The following FMN2 variants were observed in gnomAD, a reference collection of about 807,000 sequenced individuals.
FMN2 encodes formin-2.
Under a neutral mutation model 142.3 loss-of-function variants are expected in FMN2, and 51 were observed. That is an observed-to-expected ratio of 0.36 (90% CI 0.29 to 0.45). The LOEUF (loss-of-function observed/expected upper bound fraction) is 0.45, where lower values mean the gene tolerates loss of function less well. FMN2 is among the 20% of genes least tolerant of loss of function. The pLI is 1.00. For synonymous variants in FMN2, 882 were observed against 869.8 expected (o/e 1.01, Z -0.25); for missense variants, 1,936 against 2,122.8 (o/e 0.91, Z 1.73).
Position 240,207,090 on chromosome 1 carries a change from G to C in FMN2, c.2278G>C (p.Val760Leu), listed in dbSNP as rs1304119504. 1 of 1,614,104 alleles carries C rather than the reference G, an allele frequency of 6.2e-7. No individual in the cohort carries two copies. Among genetic ancestry groups the C allele is most frequent in the Admixed American group, 1.7e-5 (1 of 60,010 alleles). Residue 760 changes from valine (V) to leucine (L), a missense_variant, in exon 5 of 18, where the codon GTG becomes CTG. By Grantham distance (32) the Val-to-Leu change is conservative. This residue lies in a region of FMN2 where 478 missense variants were observed against 462.8 expected (regional missense o/e 1.03). Coordinates refer to ENST00000319653, the MANE Select transcript of FMN2 (RefSeq NM_020066.5). ...GGGCGGGGTGCTGACACTGCCTCCT[G>C]TGGATGGGCTGCCAGGGCGTCCTCC... is the stretch of plus-strand genomic sequence containing the variant. ...EEGGVLTLPP[V>L]DGLPGRPPCP...
Position 240,178,169 on chromosome 1 carries a change from G to T in FMN2, c.1930+101G>T, listed in dbSNP as rs895694625. ...TTTAAGTAATCTTTTATTTTTAATT[G>T]CATGGCATTCAGATATAATCTTCAA... On this transcript the variant is annotated intron_variant, in intron 3 of 17. Coordinates refer to ENST00000319653, the MANE Select transcript of FMN2 (RefSeq NM_020066.5). The T allele has an allele frequency of 1.2e-5, 15 of 1,283,074 alleles. No homozygotes were observed. In the South Asian group the frequency reaches 3.4e-4, roughly 29 times the overall value. 79.5% of individuals were successfully genotyped at this position (1,283,074 alleles called of 1,614,324 possible). A position where few individuals can be genotyped will look rare whatever the true frequency, so the allele number is the denominator to read the frequency against.
At chr1:240,100,497 C>A (rs766784741) in intron 1 of FMN2, among the ~76,000 whole-genome samples, 1 of 152,090 alleles carries the variant, frequency 6.6e-6, no homozygotes, top group Non-Finnish European at 1.5e-5. Flanking sequence ...GAAAATATGA[C>A]CTCAGTCAGT....
At chr1:240,333,814 A>G in intron 11 of FMN2, 73 bp from the exon 12 acceptor site, 1 of 1,184,846 alleles carries the variant, frequency 8.4e-7, no homozygotes, top group Non-Finnish European at 1.2e-6. Flanking sequence ...ATTCACTAGA[A>G]TCTTTTTTGG....
At chr1:240,277,339 T>A (rs543847226) in intron 7 of FMN2, among the ~76,000 whole-genome samples, 2 of 152,128 alleles carry the variant, frequency 1.3e-5, no homozygotes, top group South Asian at 4.1e-4. Flanking sequence ...TTTTAAAATC[T>A]GGTATGATCA....
chr1:240,332,785 A>G (rs944141589), intron 11 of FMN2, among the ~76,000 whole-genome samples: 1 of 152,188 alleles, frequency 6.6e-6, no homozygotes, highest in Non-Finnish European at 1.5e-5. Context: ...AGTACTATTT[A>G]TAGACCTCCA....
chr1:240,175,004 G>C (rs12098130), intron 2 of FMN2, among the ~76,000 whole-genome samples: 45,025 of 151,794 alleles, frequency 0.3, 6,950 homozygotes, highest in African/African-American at 0.38. Flanking sequence ...TCTCCAATCC[G>C]GGCAACCACC....
intron 1 of FMN2, among the ~76,000 whole-genome samples, chr1:240,106,986 T>C (rs930091105): frequency 2.0e-5 from 3 of 151,782 alleles, no homozygotes; most frequent in Non-Finnish European, 4.4e-5. Flanking sequence ...GCCCGGCCTT[T>C]TCCAGGAGGA....
chr1:240,127,522 G>A (rs931309408), intron 2 of FMN2, among the ~76,000 whole-genome samples: 10 of 152,056 alleles, frequency 6.6e-5, no homozygotes, highest in Non-Finnish European at 2.9e-5. Flanking sequence ...CTGTTGCCCA[G>A]GTTGGAGAGC....
intron 6 of FMN2, among the ~76,000 whole-genome samples, chr1:240,242,037 G>A (rs1321636802): frequency 4.6e-5 from 7 of 151,672 alleles, no homozygotes; most frequent in Non-Finnish European, 8.8e-5. Context: ...AGTAGAGACG[G>A]GGTTTCACCG....
At chr1:240,175,292 G>A (rs1406477854) in intron 2 of FMN2, among the ~76,000 whole-genome samples, 1 of 152,120 alleles carries the variant, frequency 6.6e-6, no homozygotes, top group Middle Eastern at 3.2e-3. Flanking sequence ...ATGAACATAG[G>A]TGTACAGATG....
chr1:240,190,327 C>G (rs1377284142), intron 4 of FMN2, among the ~76,000 whole-genome samples: 1 of 152,076 alleles, frequency 6.6e-6, no homozygotes, highest in Non-Finnish European at 1.5e-5. Flanking sequence ...TTTTAAGCAC[C>G]CGACAATGAC....
In FMN2 at chr1:240,417,432, G is replaced by A. The variant is rs551561276; in HGVS notation, c.4911-20629G>A. On this transcript the variant is annotated intron_variant, in intron 15 of 17. Coordinates refer to ENST00000319653, the MANE Select transcript of FMN2 (RefSeq NM_020066.5). ...AAATTCCCTGCTTTAGCTTGAGAGG[G>A]TTTTGTTTTGTTTTGTTTTTATAGG... Among the ~76,000 whole-genome samples, 3 of 151,696 alleles carry A rather than the reference G, an allele frequency of 2.0e-5. No individual in the cohort carries two copies. The East Asian group carries it at 5.8e-4, about 29-fold the overall frequency.
chr1:240,382,842 C>T (rs1483329803), intron 14 of FMN2, among the ~76,000 whole-genome samples: 2 of 152,084 alleles, frequency 1.3e-5, no homozygotes, highest in East Asian at 1.9e-4. Flanking sequence ...ACAGGCATCA[C>T]GTTTTGTAGC....
rs1333094360 is a variant in FMN2 at position 240,290,780 on chromosome 1, G to GTTTTTTGT, written c.4154-4036_4154-4035insGTTTTTTT. On this transcript the variant is annotated intron_variant, in intron 7 of 17. Coordinates refer to ENST00000319653, the MANE Select transcript of FMN2 (RefSeq NM_020066.5). ...GTCTGGAGTGATGTCTGTTTGTTTGGTTTTTTTTTTTTGTTTTTTTTTTTT... is the reference window on the plus strand; with the variant it reads ...GTCTGGAGTGATGTCTGTTTGTTTGGTTTTTTGTTTTTTTTTTTTTGTTTTTTTTTTTT... 9.9e-4 allele frequency among the ~76,000 whole-genome samples: 99 copies of GTTTTTTGT among 100,184 alleles called. 1 individual carries two copies. The highest frequency in any genetic ancestry group is 1.3e-3 in the Non-Finnish European group (71 of 53,544). The allele number at this position is 100,184 out of a possible 152,430, so 65.7% of individuals were successfully genotyped here.
At position 240,093,184 on chromosome 1, in the gene FMN2, C is replaced by T; in HGVS notation, c.1075C>T (p.Arg359Trp). 6.8e-7 allele frequency: 1 copy of T among 1,467,290 alleles called. No homozygotes were observed. The highest frequency in any genetic ancestry group is 9.0e-7 in the Non-Finnish European group (1 of 1,112,444). The allele number at this position is 1,467,290 out of a possible 1,614,324, so 90.9% of individuals were successfully genotyped here. ...GGAGGATGCTTTTGAGGATGCGCCC[C>T]GGGGCTCTCCGGGGGAGGAGTGGGC... is the stretch of plus-strand genomic sequence containing the variant. Reference protein sequence around the residue: ...GEEDAFEDAPRGSPGEEWAPE... With the variant: ...GEEDAFEDAPWGSPGEEWAPE... The change falls in exon 1 of 18, where the codon CGG (arginine) becomes TGG (tryptophan). Residue 359 changes from arginine (R) to tryptophan (W), a missense_variant. Coordinates refer to ENST00000319653, the MANE Select transcript of FMN2 (RefSeq NM_020066.5).
At chr1:240,334,643 A>T (rs112739431) in intron 13 of FMN2, among the ~76,000 whole-genome samples, 186 of 96,158 alleles carry the variant, frequency 1.9e-3, no homozygotes, top group African/African-American at 0.012. Context: ...TTTCCTGGGA[A>T]CAAAATATCT....
intron 16 of FMN2, among the ~76,000 whole-genome samples, chr1:240,442,394 T>C (rs12726617): frequency 0.37 from 55,770 of 152,088 alleles, 10,446 homozygotes; most frequent in Non-Finnish European, 0.41. Flanking sequence ...AACCTGATCC[T>C]GAAGCAAGAG....
intron 4 of FMN2, among the ~76,000 whole-genome samples, chr1:240,189,350 G>C (rs1665613099): frequency 6.6e-6 from 1 of 152,112 alleles, no homozygotes; most frequent in African/African-American, 2.4e-5. Context: ...CTGTTCTGTT[G>C]GTGGTCTAGG....
At chr1:240,242,541 C>G (rs1380201823) in intron 6 of FMN2, among the ~76,000 whole-genome samples, 1 of 152,162 alleles carries the variant, frequency 6.6e-6, no homozygotes, top group Non-Finnish European at 1.5e-5. Context: ...AAACAACCTA[C>G]TCAGTTGAGG....
Sources: allele counts gnomAD v4.1 joint callset (sites outside exome capture counted in the v4.1 genomes callset), GRCh38; gene constraint gnomAD v4.1.1; regional missense constraint gnomAD v4.1.1; transcripts MANE v1.5; gene names NCBI Gene and HGNC (gene_info 2026-07-23, HGNC 2026-07-21).